Variants in PCDHGB6 observed in about 807,000 individuals in gnomAD.
PCDHGB6 encodes the protein protocadherin gamma-B6.
PCDHGB6 carries 51 observed loss-of-function variants against 59.1 expected under a neutral mutation model. The observed-to-expected ratio is 0.86, with a 90% CI of 0.69 to 1.09. The LOEUF is 1.09. Among genes scored for constraint, PCDHGB6 ranks in the 50% least tolerant of loss-of-function variants. The pLI is 0.00. For missense variants in PCDHGB6, 1,148 were observed against 1,205.1 expected, an observed-to-expected ratio of 0.95 and a Z score of 0.70; for synonymous variants, 466 against 495.1, an observed-to-expected ratio of 0.94 and a Z score of 0.78.
chr5:141,468,330 CAA>C lies in PCDHGB6; in HGVS notation c.2419-26459_2419-26458del, dbSNP rs533390277. 202 of 79,822 alleles carry C rather than the reference CAA, an allele frequency of 2.5e-3. 2 individuals are homozygous for C. The highest frequency in any genetic ancestry group is 7.9e-3 in the Middle Eastern group (1 of 126). The allele number at this position is 79,822 out of a possible 1,614,324, so 4.9% of individuals were successfully genotyped here. Reference sequence around the variant, plus strand: ...ACAAGAGCAACGGTAAACTCCATCTCAAAAAAAAAAAAAAAAAAAGAAAGAAA... The same window carrying C: ...ACAAGAGCAACGGTAAACTCCATCTCAAAAAAAAAAAAAAAAAGAAAGAAA... On this transcript the variant is annotated intron_variant, in intron 1 of 3. Transcript: ENST00000520790.
At chr5:141,481,465 T>C (rs561789315) in intron 1 of PCDHGB6, among the ~76,000 whole-genome samples, 2 of 152,334 alleles carry the variant, frequency 1.3e-5, no homozygotes, top group South Asian at 2.1e-4. Context: ...CTGAAAACCA[T>C]TGGATTATAC....
At chr5:141,428,099 C>G (rs1304120001) in intron 1 of PCDHGB6, 4 of 1,608,710 alleles carry the variant, frequency 2.5e-6, no homozygotes, top group Non-Finnish European at 2.5e-6. Flanking sequence ...TGTCCTACCA[C>G]GTGCTGCAGG....
Position 141,477,540 on chromosome 5 carries a change from C to T in PCDHGB6, c.2419-17267C>T, listed in dbSNP as rs777796922. On this transcript the variant is annotated intron_variant, in intron 1 of 3. Coordinates refer to ENST00000520790, the MANE Select transcript of PCDHGB6 (RefSeq NM_018926.3). The surrounding 1 kb of genome is among the most constrained non-coding windows in gnomAD (Gnocchi z 4.9). Reference sequence around the variant, plus strand: ...GAAGAAAACAACCTCCCCGGGGCTCCAATACTAAACCTAAGTGTCTGGGAC... The same window carrying T: ...GAAGAAAACAACCTCCCCGGGGCTCTAATACTAAACCTAAGTGTCTGGGAC... The T allele has an allele frequency of 6.8e-6, 11 of 1,614,036 alleles. 1 individual carries two copies. Among genetic ancestry groups the T allele is most frequent in the African/African-American group, 2.7e-5 (2 of 74,920 alleles).
chr5:141,497,084 G>A (rs1417389801), intron 2 of PCDHGB6, among the ~76,000 whole-genome samples: 1 of 152,098 alleles, frequency 6.6e-6, no homozygotes, highest in East Asian at 1.9e-4. Context: ...AGCGACTTAG[G>A]AGGCTGAGGC....
Position 141,438,619 on chromosome 5 carries a change from T to C in PCDHGB6, c.2418+27999T>C, listed in dbSNP as rs1053855444. Reference sequence around the variant, plus strand: ...ATATATATATATATATATATATATATATATATATATATATATACACACACA... The same window carrying C: ...ATATATATATATATATATATATATACATATATATATATATATACACACACA... On this transcript the variant is annotated intron_variant, in intron 1 of 3. Transcript: ENST00000520790. 1.0e-4 allele frequency among the ~76,000 whole-genome samples: 4 copies of C among 39,678 alleles called. No homozygotes were observed. The East Asian group carries it at 2.5e-3, about 25-fold the overall frequency. The allele number at this position is 39,678 out of a possible 152,430, so 26.0% of individuals were successfully genotyped here.
intron 2 of PCDHGB6, 145 bp downstream of exon 2, chr5:141,495,010 G>GT: frequency 6.6e-7 from 1 of 1,516,970 alleles, no homozygotes; most frequent in East Asian, 2.5e-5. Flanking sequence ...GTGTGCGGGG[G>GT]GCTGGCACAC....
intron 1 of PCDHGB6, chr5:141,415,762 T>TTTTG: frequency 2.1e-6 from 3 of 1,399,986 alleles, no homozygotes; most frequent in Non-Finnish European, 2.8e-6. Flanking sequence ...TTTTTTTTTT[T>TTTTG]TTTTTTTTTT....
At chr5:141,414,583 G>A (rs570765907) in intron 1 of PCDHGB6, 1 of 1,613,736 alleles carries the variant, frequency 6.2e-7, no homozygotes, top group Non-Finnish European at 8.5e-7. Context: ...AGAGAACAAC[G>A]CCAGGGGTGC....
rs776293224 is a variant in PCDHGB6, at chr5:141,477,889, A to G, written c.2419-16918A>G. Reference sequence around the variant, plus strand: ...GTACCTCAGCTGGCCACCTAGTGTCACGGGTGGTAGGCTGGGACGCGGATG... The same window carrying G: ...GTACCTCAGCTGGCCACCTAGTGTCGCGGGTGGTAGGCTGGGACGCGGATG... On this transcript the variant is annotated intron_variant, in intron 1 of 3. Coordinates refer to ENST00000520790, the MANE Select transcript of PCDHGB6 (RefSeq NM_018926.3). This position sits in a 1 kb window ranked among gnomAD's most constrained non-coding sequence, Gnocchi z 4.9. The G allele has an allele frequency of 1.8e-5, 29 of 1,614,034 alleles. No individual in the cohort carries two copies. Among genetic ancestry groups the G allele is most frequent in the Non-Finnish European group, 2.5e-5 (29 of 1,180,026 alleles).
At chr5:141,445,805 A>G (rs2098478274) in intron 1 of PCDHGB6, among the ~76,000 whole-genome samples, 2 of 152,236 alleles carry the variant, frequency 1.3e-5, no homozygotes, top group South Asian at 4.1e-4. Flanking sequence ...GAAAATAAAT[A>G]GATGAAACTA....
At chr5:141,423,094 C>CGCGTGCGT (rs2096708722) in intron 1 of PCDHGB6, 4 of 1,613,860 alleles carry the variant, frequency 2.5e-6, no homozygotes, top group African/African-American at 2.7e-5. Flanking sequence ...GGTGGGGGAG[C>CGCGTGCGT]ACACGGGCGA....
At position 141,487,488 on chromosome 5, in the gene PCDHGB6, G is replaced by A; in HGVS notation, c.2419-7319G>A. ...GATGTGGGAGGCCACTCTCATGGCT[G>A]TACACCCTTGGCTTCTGCACCCACT... On this transcript the variant is annotated intron_variant, in intron 1 of 3. Transcript: ENST00000520790. This position sits in a 1 kb window ranked among gnomAD's most constrained non-coding sequence, Gnocchi z 5.0. The A allele has an allele frequency of 6.2e-7, 1 of 1,614,204 alleles. No homozygotes were observed. The highest frequency in any genetic ancestry group is 8.5e-7 in the Non-Finnish European group (1 of 1,180,038).
At chr5:141,427,573 T>C in intron 1 of PCDHGB6, 1 of 667,160 alleles carries the variant, frequency 1.5e-6, no homozygotes, top group Non-Finnish European at 2.8e-6. Context: ...AAGCCTCCGC[T>C]CTCATCCAGC....
At chr5:141,446,020 T>C (rs1226676321) in intron 1 of PCDHGB6, among the ~76,000 whole-genome samples, 1 of 152,180 alleles carries the variant, frequency 6.6e-6, no homozygotes, top group African/African-American at 2.4e-5. Context: ...ACTATGGCAA[T>C]ATTCCTGGTA....
chr5:141,489,334 C>T lies in PCDHGB6; in HGVS notation c.2419-5473C>T, dbSNP rs768635851. On this transcript the variant is annotated intron_variant, in intron 1 of 3. Transcript: ENST00000520790. This position sits in a 1 kb window ranked among gnomAD's most constrained non-coding sequence, Gnocchi z 4.5. ...CTGGGGCTGGGTGTCTGGGCAGCTTCGTTACTCAGTGGTGGAGGAGTCTGA... is the reference window on the plus strand; with the variant it reads ...CTGGGGCTGGGTGTCTGGGCAGCTTTGTTACTCAGTGGTGGAGGAGTCTGA... The T allele has an allele frequency of 3.7e-6, 6 of 1,606,732 alleles. No individual in the cohort carries two copies. The highest frequency in any genetic ancestry group is 1.1e-5 in the South Asian group (1 of 90,048).
At position 141,512,903 on chromosome 5, in the gene PCDHGB6, CAA is replaced by C. The variant is rs2099884494; in HGVS notation, c.*1731_*1732del. The C allele has an allele frequency of 6.6e-6, 1 of 152,224 alleles. No individual in the cohort carries two copies. Among genetic ancestry groups the C allele is most frequent in the African/African-American group, 2.4e-5 (1 of 41,452 alleles). 9.4% of individuals were successfully genotyped at this position (152,224 alleles called of 1,614,324 possible). On this transcript the variant is annotated 3_prime_UTR_variant, in exon 4 of 4. Transcript: ENST00000520790. ...CCCCACCCTCTTCCTGTGTCTCACG[CAA>C]GTTTTATACTCTAATATTTATATGG...
intron 1 of PCDHGB6, among the ~76,000 whole-genome samples, chr5:141,463,844 G>A (rs545618795): frequency 1.3e-5 from 2 of 152,258 alleles, no homozygotes; most frequent in East Asian, 3.9e-4. Context: ...AGTTGTTATA[G>A]TGGTATATCT....
intron 1 of PCDHGB6, chr5:141,413,303 T>G (rs772421197): frequency 6.8e-6 from 11 of 1,613,942 alleles, no homozygotes; most frequent in Middle Eastern, 3.3e-4. Flanking sequence ...CCTGAGGAAT[T>G]AGAGAAAGGC....
rs757663132 is a variant in PCDHGB6 at position 141,510,991 on chromosome 5, A to G, written c.2611A>G (p.Met871Val). ...CACCCTGGGAGGGGGTGCCGGCACC[A>G]TGGGATTGAGCGCCCGCTACGGACC... is the stretch of plus-strand genomic sequence containing the variant. ...SSTLGGGAGT[M>V]GLSARYGPQF... is the part of the protein sequence containing the mutation. Residue 871 changes from methionine (M) to valine (V), a missense_variant, in exon 4 of 4, where the codon ATG becomes GTG. Coordinates refer to ENST00000520790, the MANE Select transcript of PCDHGB6 (RefSeq NM_018926.3). 1.2e-6 allele frequency: 2 copies of G among 1,614,136 alleles called. No individual in the cohort carries two copies. Among genetic ancestry groups the G allele is most frequent in the Admixed American group, 3.3e-5 (2 of 60,022 alleles).
Sources: gnomAD v4.1 joint callset for allele counts (sites outside exome capture counted in the v4.1 genomes callset) on GRCh38, gnomAD v4.1.1 for gene constraint, Gnocchi (gnomAD v3.1) non-coding constraint, MANE v1.5 for transcripts, NCBI Gene and HGNC (gene_info 2026-07-23, HGNC 2026-07-21) for gene names.